KCNH5: variants seen among roughly 807,000 people sequenced by gnomAD.
KCNH5 encodes the protein voltage-gated delayed rectifier potassium channel KCNH5.
KCNH5 carries 46 observed loss-of-function variants against 96.1 expected under a neutral mutation model. The ratio of observed to expected loss-of-function variants is 0.48; its 90% confidence interval spans 0.38 to 0.61. The LOEUF is 0.61. KCNH5 is among the 20% of genes least tolerant of loss of function. KCNH5 has a pLI of 0.00. For synonymous variants in KCNH5, 439 were observed against 449.8 expected (o/e 0.98, Z 0.30); for missense variants, 907 against 1,225.8 (o/e 0.74, Z 3.88).
rs561005019 is a variant in KCNH5 at position 63,016,893 on chromosome 14, G to T, written c.135C>A (p.Asp45Glu). The change falls in exon 2 of 11, where the codon GAC (aspartate) becomes GAA (glutamate). Residue 45 changes from aspartate to glutamate, a missense_variant. Asp to Glu is a conservative substitution (Grantham distance 45, BLOSUM62 2). This residue lies in a region of KCNH5 where 370 missense variants were observed against 561.3 expected (regional missense o/e 0.66). Transcript: ENST00000322893. ...GATATCCAGAGAGTTTACAAAAACC[G>T]TCATTACTATAAACTACAGGCCAAT... ...IVDWPVVYSN[D>E]GFCKLSGYHR... 22 of 1,610,330 alleles carry T rather than the reference G, an allele frequency of 1.4e-5. No individual in the cohort carries two copies.
chr14:62,749,190 C>T (rs1004208255), intron 10 of KCNH5, among the ~76,000 whole-genome samples: 1 of 152,172 alleles, frequency 6.6e-6, no homozygotes, highest in African/African-American at 2.4e-5. Flanking sequence ...TGCCTGATTC[C>T]AACTTATATT....
intron 10 of KCNH5, among the ~76,000 whole-genome samples, chr14:62,756,745 A>G (rs1885632544): frequency 1.3e-5 from 2 of 152,240 alleles, no homozygotes; most frequent in Admixed American, 1.3e-4. Flanking sequence ...CTGGATATCC[A>G]TATCCAAAAG....
intron 7 of KCNH5, among the ~76,000 whole-genome samples, chr14:62,866,675 T>C (rs1435696741): frequency 6.6e-6 from 1 of 152,176 alleles, no homozygotes; most frequent in African/African-American, 2.4e-5. Context: ...ATTAACAATA[T>C]GAAGAAGAAG....
At chr14:63,004,662 T>C (rs1287031431) in intron 3 of KCNH5, among the ~76,000 whole-genome samples, 3 of 152,222 alleles carry the variant, frequency 2.0e-5, no homozygotes, top group African/African-American at 7.2e-5. Flanking sequence ...TGGAATACAG[T>C]AGCATGATCA....
At position 62,763,456 on chromosome 14, in the gene KCNH5, T is replaced by G. The variant is rs376201037; in HGVS notation, c.2019+16272A>C. Among the ~76,000 whole-genome samples, 3 of 152,032 alleles carry G rather than the reference T, an allele frequency of 2.0e-5. No individual in the cohort carries two copies. In the East Asian group the frequency reaches 5.8e-4, roughly 29 times the overall value. On this transcript the variant is annotated intron_variant, in intron 10 of 10. Coordinates refer to ENST00000322893, the MANE Select transcript of KCNH5 (RefSeq NM_139318.5). ...AGGTAGAAAGATCTCAAATTAACAA[T>G]GTAATATCACACCTAGAGGAACTAG...
chr14:62,853,188 G>A (rs1211040196), intron 7 of KCNH5, among the ~76,000 whole-genome samples: 6 of 151,816 alleles, frequency 4.0e-5, no homozygotes, highest in African/African-American at 1.5e-4. Flanking sequence ...TCAACGTATA[G>A]CTTCAATTCA....
At chr14:62,768,633 C>T (rs1885916407) in intron 10 of KCNH5, among the ~76,000 whole-genome samples, 1 of 152,134 alleles carries the variant, frequency 6.6e-6, no homozygotes, top group African/African-American at 2.4e-5. Context: ...TATCTTTTTA[C>T]ATTATGTTGG....
At chr14:63,031,632 G>T (rs1169005844) in intron 1 of KCNH5, among the ~76,000 whole-genome samples, 2 of 152,094 alleles carry the variant, frequency 1.3e-5, no homozygotes, top group African/African-American at 4.8e-5. Flanking sequence ...GATACAAGCT[G>T]GCAGTTATGT....
intron 1 of KCNH5, among the ~76,000 whole-genome samples, chr14:63,025,639 T>C (rs1891510683): frequency 6.7e-6 from 1 of 149,412 alleles, no homozygotes; most frequent in Non-Finnish European, 1.5e-5. Context: ...AAACAGTACT[T>C]AGGAATAAAT....
At chr14:62,999,821 A>G (rs1246048328) in intron 4 of KCNH5, among the ~76,000 whole-genome samples, 1 of 151,240 alleles carries the variant, frequency 6.6e-6, no homozygotes, top group Non-Finnish European at 1.5e-5. Flanking sequence ...TATGTAACTA[A>G]CCTGCACATT....
chr14:62,776,472 C>T (rs999461539), intron 10 of KCNH5, among the ~76,000 whole-genome samples: 15 of 152,152 alleles, frequency 9.9e-5, no homozygotes. Context: ...TGATCATACA[C>T]TTCCCAGCCT....
At chr14:62,872,292 A>G (rs1483897794) in intron 7 of KCNH5, among the ~76,000 whole-genome samples, 1 of 152,252 alleles carries the variant, frequency 6.6e-6, no homozygotes, top group African/African-American at 2.4e-5. Flanking sequence ...TCTCTATGAT[A>G]CCTAATTCAA....
chr14:62,713,301 A>G (rs1380158664), intron 10 of KCNH5, among the ~76,000 whole-genome samples: 2 of 152,046 alleles, frequency 1.3e-5, no homozygotes, highest in African/African-American at 4.8e-5. Context: ...ATTATTATTG[A>G]TCATTAATGT....
chr14:62,915,582 G>T (rs1889257651), intron 7 of KCNH5, among the ~76,000 whole-genome samples: 1 of 152,198 alleles, frequency 6.6e-6, no homozygotes, highest in Non-Finnish European at 1.5e-5. Flanking sequence ...ATTATTCTTT[G>T]AATCCTGATA....
intron 7 of KCNH5, among the ~76,000 whole-genome samples, chr14:62,901,310 G>T (rs1051015941): frequency 1.3e-5 from 2 of 151,742 alleles, no homozygotes; most frequent in Non-Finnish European, 2.9e-5. Context: ...GAGGTGTAGG[G>T]TGTGACTGAT....
chr14:62,820,351 C>T (rs1391817020), intron 8 of KCNH5, among the ~76,000 whole-genome samples: 3 of 144,986 alleles, frequency 2.1e-5, no homozygotes, highest in African/African-American at 2.5e-5. Context: ...TTGTTATATA[C>T]TTTTTTTTTT....
At chr14:62,816,839 T>TTC (rs1265055309) in intron 8 of KCNH5, among the ~76,000 whole-genome samples, 1 of 151,586 alleles carries the variant, frequency 6.6e-6, no homozygotes, top group Non-Finnish European at 1.5e-5. Context: ...CTCTTTTTCA[T>TTC]TCTTTTTTCT....
chr14:62,767,433 T>C (rs920757653), intron 10 of KCNH5, among the ~76,000 whole-genome samples: 2 of 151,964 alleles, frequency 1.3e-5, no homozygotes, highest in Non-Finnish European at 2.9e-5. Flanking sequence ...TAAATGCTTA[T>C]CAATGGTAGA....
intron 6 of KCNH5, among the ~76,000 whole-genome samples, chr14:62,964,807 C>T (rs1890274763): frequency 6.6e-6 from 1 of 152,048 alleles, no homozygotes; most frequent in Admixed American, 6.6e-5. Flanking sequence ...AGATGTCAAA[C>T]TTTGATAAGC....
Sources: gnomAD v4.1 joint callset for allele counts (sites outside exome capture counted in the v4.1 genomes callset) on GRCh38, gnomAD v4.1.1 for gene constraint, gnomAD v4.1.1 regional missense constraint, MANE v1.5 for transcripts, NCBI Gene and HGNC (gene_info 2026-07-23, HGNC 2026-07-21) for gene names.